The following AGTPBP1 variants were observed in gnomAD, a reference collection of about 807,000 sequenced individuals.
The protein encoded by AGTPBP1 is ATP/GTP binding carboxypeptidase 1, also known as cytosolic carboxypeptidase 1.
A neutral mutation model predicts 143.9 loss-of-function variants in AGTPBP1; 70 were observed. The ratio of observed to expected loss-of-function variants is 0.49; its 90% CI spans 0.40 to 0.59. The LOEUF is 0.59. AGTPBP1 is among the 20% of genes least tolerant of loss of function. The pLI, the probability that AGTPBP1 is intolerant of heterozygous loss-of-function variation, is 0.00. For missense variants in AGTPBP1, 1,229 were observed against 1,464.5 expected, an observed-to-expected ratio of 0.84 and a Z score of 2.62; for synonymous variants, 463 against 500.2, an observed-to-expected ratio of 0.93 and a Z score of 0.99.
At chr9:85,651,290 C>T (rs1302307756) in intron 11 of AGTPBP1, among the ~76,000 whole-genome samples, 1 of 152,116 alleles carries the variant, frequency 6.6e-6, no homozygotes, top group Non-Finnish European at 1.5e-5. Context: ...GGTCAATGGA[C>T]TCCTGTTTAA....
At chr9:85,563,851 G>A (rs1376377642) in intron 25 of AGTPBP1, among the ~76,000 whole-genome samples, 1 of 152,198 alleles carries the variant, frequency 6.6e-6, no homozygotes, top group East Asian at 1.9e-4. Flanking sequence ...CTGCAGTCTG[G>A]CACCCTGCTC....
chr9:85,599,819 T>C (rs1829549862), intron 17 of AGTPBP1, among the ~76,000 whole-genome samples: 1 of 152,240 alleles, frequency 6.6e-6, no homozygotes, highest in African/African-American at 2.4e-5. Context: ...GTCCACTGGC[T>C]TCCAGTGCTA....
chr9:85,607,212 T>C (rs762652183), intron 17 of AGTPBP1, among the ~76,000 whole-genome samples: 1 of 152,038 alleles, frequency 6.6e-6, no homozygotes, highest in Non-Finnish European at 1.5e-5. Flanking sequence ...AAGTTAACTA[T>C]ATAAAGTAGT....
intron 18 of AGTPBP1, among the ~76,000 whole-genome samples, chr9:85,594,644 A>G (rs1393120811): frequency 6.6e-5 from 10 of 152,218 alleles, no homozygotes; most frequent in African/African-American, 2.4e-5. Flanking sequence ...CAGGAAAACA[A>G]CTAGAATAGA....
At chr9:85,767,896 C>T in the AGTPBP1 span, among the ~76,000 whole-genome samples, 1 of 152,088 alleles carries the variant, frequency 6.6e-6, no homozygotes, top group Non-Finnish European at 1.5e-5. Context: ...CACTTGGAGG[C>T]TTGTTAGAAA....
the AGTPBP1 span, among the ~76,000 whole-genome samples, chr9:85,768,220 G>T: frequency 1.8e-4 from 27 of 152,254 alleles, no homozygotes; most frequent in Non-Finnish European, 3.1e-4. Context: ...CCTTAACTTA[G>T]ATCTAAAACC....
At chr9:85,588,796 G>A (rs1048055309) in intron 20 of AGTPBP1, among the ~76,000 whole-genome samples, 1 of 151,548 alleles carries the variant, frequency 6.6e-6, no homozygotes, top group Non-Finnish European at 1.5e-5. Flanking sequence ...TAAAGAACAA[G>A]CACTTGGGGG....
At chr9:85,741,222 C>T (rs1402104978) in intron 1 of AGTPBP1, 2 of 985,324 alleles carry the variant, frequency 2.0e-6, no homozygotes, top group Admixed American at 1.2e-4. Context: ...CTCAAACCAC[C>T]CAGCGAGAGG....
chr9:85,608,963 A>G (rs1201104571), intron 17 of AGTPBP1, among the ~76,000 whole-genome samples: 1 of 152,206 alleles, frequency 6.6e-6, no homozygotes, highest in African/African-American at 2.4e-5. Context: ...ACTGGAATTG[A>G]TCAAACAAGT....
chr9:85,573,562 C>A (rs537792512), intron 25 of AGTPBP1, among the ~76,000 whole-genome samples: 1 of 152,156 alleles, frequency 6.6e-6, no homozygotes, highest in East Asian at 1.9e-4. Flanking sequence ...TGCCTGGCCA[C>A]CCATCGTCTG....
At chr9:85,600,336 T>G (rs1829582608) in intron 17 of AGTPBP1, among the ~76,000 whole-genome samples, 1 of 152,162 alleles carries the variant, frequency 6.6e-6, no homozygotes, top group African/African-American at 2.4e-5. Flanking sequence ...AAACTCATTA[T>G]AATAGTTTCA....
At chr9:85,629,643 C>G (rs2133669830) in intron 14 of AGTPBP1, among the ~76,000 whole-genome samples, 1 of 152,310 alleles carries the variant, frequency 6.6e-6, no homozygotes, top group South Asian at 2.1e-4. Context: ...GACAGCTAGT[C>G]AAAGTCATCA....
chr9:85,741,181 C>A (rs1037194195), intron 1 of AGTPBP1: 2 of 979,594 alleles, frequency 2.0e-6, no homozygotes, highest in African/African-American at 1.7e-5. Context: ...ACGCTCAAGG[C>A]GACAAGTTGT....
At chr9:85,586,991 ACACTGGTAC>A in intron 21 of AGTPBP1, 31 bp from the exon 22 acceptor site, 1 of 1,612,612 alleles carries the variant, frequency 6.2e-7, no homozygotes, top group Non-Finnish European at 8.5e-7. Flanking sequence ...AGACAGAAAA[ACACTGGTAC>A]CCATAAACCC....
intron 25 of AGTPBP1, among the ~76,000 whole-genome samples, chr9:85,553,082 A>C (rs1403837815): frequency 6.6e-6 from 1 of 152,238 alleles, no homozygotes; most frequent in Non-Finnish European, 1.5e-5. Flanking sequence ...AGCATCTCCT[A>C]AAAATATCAC....
At chr9:85,801,780 C>T in the AGTPBP1 span, among the ~76,000 whole-genome samples, 1 of 152,186 alleles carries the variant, frequency 6.6e-6, no homozygotes, top group Non-Finnish European at 1.5e-5. Flanking sequence ...TATTAAACCA[C>T]TGATGTCCCT....
At chr9:85,740,122 G>A (rs546951054) in intron 1 of AGTPBP1, among the ~76,000 whole-genome samples, 2 of 152,160 alleles carry the variant, frequency 1.3e-5, no homozygotes, top group Non-Finnish European at 2.9e-5. Flanking sequence ...CTTTTCTAAA[G>A]AGAAGAATGC....
intron 22 of AGTPBP1, 57 bp downstream of exon 22, chr9:85,586,773 AT>A: frequency 6.4e-7 from 1 of 1,569,754 alleles, no homozygotes; most frequent in South Asian, 1.1e-5. Context: ...GTGCTTGATA[AT>A]TAAAAATGAT....
At chr9:85,569,975 A>G (rs1397988641) in intron 25 of AGTPBP1, among the ~76,000 whole-genome samples, 1 of 152,212 alleles carries the variant, frequency 6.6e-6, no homozygotes, top group East Asian at 1.9e-4. Flanking sequence ...GCTCCAGATA[A>G]GTCTTTCCAC....
Sources: allele counts gnomAD v4.1 joint callset (sites outside exome capture counted in the v4.1 genomes callset), GRCh38; gene constraint gnomAD v4.1.1; transcripts MANE v1.5; gene names NCBI Gene and HGNC (gene_info 2026-07-23, HGNC 2026-07-21).